GRB14: variants seen among roughly 807,000 people sequenced by gnomAD.
GRB14 encodes growth factor receptor bound protein 14.
Under a neutral mutation model 69.1 loss-of-function variants are expected in GRB14, and 38 were observed. The ratio of observed to expected loss-of-function variants is 0.55; its 90% CI spans 0.42 to 0.72. The LOEUF (loss-of-function observed/expected upper bound fraction) is 0.72. GRB14 is among the 30% of genes least tolerant of loss of function. The pLI, the probability that GRB14 is intolerant of heterozygous loss-of-function variation, is 0.00. For missense variants in GRB14, 666 were observed against 666.1 expected, an observed-to-expected ratio of 1.00 and a Z score of 0.00; for synonymous variants, 247 against 241.3, an observed-to-expected ratio of 1.02 and a Z score of -0.22.
chr2:164,568,505 C>T lies in GRB14; in HGVS notation c.325-20689G>A, dbSNP rs773870604. On this transcript the variant is annotated intron_variant, in intron 2 of 13. Coordinates refer to ENST00000263915, the MANE Select transcript of GRB14 (RefSeq NM_004490.3). ...CAACTAGGAAAGTAATAAATGTCAC[C>T]CTGCTTATGTGATTCCAATCTACCC... The T allele has an allele frequency of 5.4e-6, 6 of 1,109,148 alleles. No homozygotes were observed. In the Middle Eastern group the frequency reaches 1.3e-3, roughly 234 times the overall value. 68.7% of individuals were successfully genotyped at this position (1,109,148 alleles called of 1,614,324 possible). A position where few individuals can be genotyped will look rare whatever the true frequency, so the allele number is the denominator to read the frequency against.
chr2:164,619,610 A>C, intron 2 of GRB14, 77 bp downstream of exon 2: 1 of 958,886 alleles, frequency 1.0e-6, no homozygotes, highest in Non-Finnish European at 1.6e-6. Flanking sequence ...TAATACTGTA[A>C]ATTACGGAAC....
At chr2:164,541,536 G>T (rs1317345579) in intron 3 of GRB14, among the ~76,000 whole-genome samples, 1 of 151,576 alleles carries the variant, frequency 6.6e-6, no homozygotes, top group South Asian at 2.1e-4. Flanking sequence ...GATTGTTTGA[G>T]TCCAGGAATC....
chr2:164,576,973 G>T (rs1419442268), intron 2 of GRB14, among the ~76,000 whole-genome samples: 1 of 151,846 alleles, frequency 6.6e-6, no homozygotes, highest in Non-Finnish European at 1.5e-5. Flanking sequence ...CCAGAGAAAT[G>T]ATAAGAATCA....
intron 5 of GRB14, among the ~76,000 whole-genome samples, chr2:164,523,551 T>A (rs564334848): frequency 1.9e-4 from 29 of 152,118 alleles, no homozygotes; most frequent in Non-Finnish European, 4.0e-4. Context: ...GATATTTATG[T>A]TTTTTAAAGT....
At chr2:164,566,156 C>A (rs1190558725) in intron 2 of GRB14, among the ~76,000 whole-genome samples, 1 of 152,058 alleles carries the variant, frequency 6.6e-6, no homozygotes, top group Non-Finnish European at 1.5e-5. Flanking sequence ...AATGCTTGTA[C>A]TGATTTATAA....
chr2:164,519,234 T>G (rs575629965), intron 6 of GRB14, among the ~76,000 whole-genome samples: 1 of 152,166 alleles, frequency 6.6e-6, no homozygotes, highest in Non-Finnish European at 1.5e-5. Flanking sequence ...AGTCAATAAA[T>G]GTGATACAAC....
At chr2:164,526,969 C>T (rs370948220) in intron 4 of GRB14, 45 bp downstream of exon 4, 116 of 1,408,344 alleles carry the variant, frequency 8.2e-5, no homozygotes, top group South Asian at 5.8e-4. Flanking sequence ...TAAAATTTAA[C>T]GGGTTCATTT....
chr2:164,568,115 A>G (rs892286662), intron 2 of GRB14, among the ~76,000 whole-genome samples: 4 of 152,202 alleles, frequency 2.6e-5, no homozygotes, highest in African/African-American at 9.6e-5. Context: ...TTTTAACTAT[A>G]GCGATGTCCT....
intron 2 of GRB14, among the ~76,000 whole-genome samples, chr2:164,556,375 C>T (rs1174299695): frequency 2.0e-5 from 3 of 152,176 alleles, no homozygotes; most frequent in African/African-American, 7.2e-5. Flanking sequence ...GTCAAAAACA[C>T]ATTTTCCTTG....
intron 2 of GRB14, among the ~76,000 whole-genome samples, chr2:164,583,676 A>G (rs182079577): frequency 6.6e-6 from 1 of 152,364 alleles, no homozygotes; most frequent in East Asian, 1.9e-4. Flanking sequence ...GATTAGTCAA[A>G]AAAAGGCAAG....
chr2:164,514,875 T>C (rs894397652), intron 6 of GRB14, among the ~76,000 whole-genome samples: 2 of 152,138 alleles, frequency 1.3e-5, no homozygotes, highest in Admixed American at 6.5e-5. Flanking sequence ...TGGCGGGGCA[T>C]GGAGTGAGCT....
In GRB14 at chr2:164,566,535, G is replaced by A. The variant is rs1688979455; in HGVS notation, c.325-18719C>T. Among the ~76,000 whole-genome samples, 7 of 152,194 alleles carry A rather than the reference G, an allele frequency of 4.6e-5. No homozygotes were observed. In the South Asian group the frequency reaches 1.5e-3, roughly 32 times the overall value. ...ATACCACGATAAATCACAATGAGGTGACCATTGGCAGCTCAGATGTAACAT... is the reference window on the plus strand; with the variant it reads ...ATACCACGATAAATCACAATGAGGTAACCATTGGCAGCTCAGATGTAACAT... On this transcript the variant is annotated intron_variant, in intron 2 of 13. Transcript: ENST00000263915.
At chr2:164,510,049 C>T (rs1375954926) in intron 6 of GRB14, among the ~76,000 whole-genome samples, 1 of 152,004 alleles carries the variant, frequency 6.6e-6, no homozygotes, top group African/African-American at 2.4e-5. Context: ...AGAATAGGAC[C>T]CTCGGAAAAA....
chr2:164,603,967 A>C (rs1689987318), intron 2 of GRB14, among the ~76,000 whole-genome samples: 2 of 152,356 alleles, frequency 1.3e-5, no homozygotes, highest in Non-Finnish European at 2.9e-5. Flanking sequence ...AGAAGAAGTA[A>C]GAATGGACAG....
chr2:164,551,559 T>A (rs544322755), intron 2 of GRB14, among the ~76,000 whole-genome samples: 1 of 152,326 alleles, frequency 6.6e-6, no homozygotes, highest in African/African-American at 2.4e-5. Context: ...TAGATCACTA[T>A]GTGACCCAAA....
intron 2 of GRB14, among the ~76,000 whole-genome samples, chr2:164,598,755 T>A (rs1255066908): frequency 4.6e-5 from 7 of 152,186 alleles, no homozygotes; most frequent in Non-Finnish European, 7.4e-5. Context: ...CTAGATGACC[T>A]TGAGCATGCC....
rs918422804 is a variant in GRB14 at position 164,531,747 on chromosome 2, C to T, written c.482-4612G>A. ...CTGGATGGTGTAGGTCCCAAGTGAC[C>T]CCATATCCTGCCTCCTTCCTGAACA... On this transcript the variant is annotated intron_variant, in intron 3 of 13. Coordinates refer to ENST00000263915, the MANE Select transcript of GRB14 (RefSeq NM_004490.3). Among the ~76,000 whole-genome samples, 9 of 151,546 alleles carry T rather than the reference C, an allele frequency of 5.9e-5. 1 individual carries two copies. The highest frequency in any genetic ancestry group is 1.3e-4 in the Admixed American group (2 of 15,248).
At chr2:164,588,551 T>A (rs554624043) in intron 2 of GRB14, among the ~76,000 whole-genome samples, 2 of 152,288 alleles carry the variant, frequency 1.3e-5, no homozygotes, top group African/African-American at 4.8e-5. Context: ...TATGAATTTT[T>A]TTTACCTCAA....
At chr2:164,561,048 C>T (rs1215584919) in intron 2 of GRB14, among the ~76,000 whole-genome samples, 1 of 152,060 alleles carries the variant, frequency 6.6e-6, no homozygotes, top group Non-Finnish European at 1.5e-5. Flanking sequence ...TGAGAGCCAG[C>T]CCTACAGACC....
Sources: gnomAD v4.1 joint callset for allele counts (sites outside exome capture counted in the v4.1 genomes callset) on GRCh38, gnomAD v4.1.1 for gene constraint, MANE v1.5 for transcripts, NCBI Gene and HGNC (gene_info 2026-07-23, HGNC 2026-07-21) for gene names.